The following GPHN variants were observed in gnomAD, a reference collection of about 807,000 sequenced individuals.
GPHN encodes gephyrin.
GPHN carries 17 observed loss-of-function variants against 95.5 expected under a neutral mutation model. The observed-to-expected ratio is 0.18, with a 90% CI of 0.12 to 0.27. The LOEUF (loss-of-function observed/expected upper bound fraction) is 0.27. Among genes scored for constraint, GPHN ranks in the 10% least tolerant of loss-of-function variants. The pLI is 1.00. For synonymous variants in GPHN, 320 were observed against 322.5 expected, an observed-to-expected ratio of 0.99 and a Z score of 0.08; for missense variants, 660 against 978.1, an observed-to-expected ratio of 0.67 and a Z score of 4.34.
chr14:66,609,275 A>C (rs1482204377), intron 1 of GPHN, among the ~76,000 whole-genome samples: 1 of 152,048 alleles, frequency 6.6e-6, no homozygotes, highest in African/African-American at 2.4e-5. Flanking sequence ...TTGGTTTCCG[A>C]TCTCTTCTGG....
chr14:67,661,300 G>GT, the GPHN span, among the ~76,000 whole-genome samples: 8,827 of 86,640 alleles, frequency 0.1, 486 homozygotes, highest in East Asian at 0.29. Context: ...AAAAAAAAAA[G>GT]TTTTTTTTTT....
At chr14:67,562,400 C>T in the GPHN span, 1 of 1,613,792 alleles carries the variant, frequency 6.2e-7, no homozygotes, top group Middle Eastern at 1.7e-4. Context: ...GCCCCTTCAA[C>T]CTCATCTGGG....
intron 3 of GPHN, among the ~76,000 whole-genome samples, chr14:66,783,880 G>A (rs1254910521): frequency 6.6e-6 from 1 of 152,146 alleles, no homozygotes; most frequent in East Asian, 1.9e-4. Context: ...ATGTCCATAA[G>A]GCCCTTGTGT....
chr14:67,201,191 G>A, the GPHN span, among the ~76,000 whole-genome samples: 3 of 152,176 alleles, frequency 2.0e-5, no homozygotes, highest in African/African-American at 7.2e-5. Flanking sequence ...CTACTCGGAA[G>A]GCTGAGGAGG....
intron 2 of GPHN, among the ~76,000 whole-genome samples, chr14:66,712,160 C>T (rs892378571): frequency 2.0e-5 from 3 of 152,150 alleles, no homozygotes; most frequent in Non-Finnish European, 4.4e-5. Context: ...CTTGAGGAAT[C>T]GCCACACTGT....
chr14:66,514,502 C>T (rs920047877), intron 1 of GPHN, among the ~76,000 whole-genome samples: 2 of 151,974 alleles, frequency 1.3e-5, no homozygotes, highest in Non-Finnish European at 2.9e-5. Flanking sequence ...TCAAGGCTCT[C>T]ATGGCAGTAT....
At chr14:67,367,835 C>CA in the GPHN span, among the ~76,000 whole-genome samples, 208 of 130,950 alleles carry the variant, frequency 1.6e-3, 2 homozygotes, top group Admixed American at 2.5e-3. Context: ...GACCTTGTCT[C>CA]AAAAAAAAAA....
chr14:66,672,749 G>A (rs1286900580), intron 1 of GPHN, among the ~76,000 whole-genome samples: 1 of 152,074 alleles, frequency 6.6e-6, no homozygotes, highest in Non-Finnish European at 1.5e-5. Context: ...ATCAGTGTTA[G>A]CATGGCATTT....
intron 18 of GPHN, among the ~76,000 whole-genome samples, chr14:67,152,198 A>G (rs1386672036): frequency 6.6e-6 from 1 of 152,242 alleles, no homozygotes; most frequent in Non-Finnish European, 1.5e-5. Flanking sequence ...CCTAGAAGTG[A>G]TATTACCACT....
intron 10 of GPHN, among the ~76,000 whole-genome samples, chr14:67,050,664 G>GA (rs566961483): frequency 4.6e-5 from 7 of 150,564 alleles, no homozygotes; most frequent in African/African-American, 1.2e-4. Flanking sequence ...CAAACAACAA[G>GA]AAAAAAAAAC....
At chr14:66,952,614 T>C (rs1485052658) in intron 8 of GPHN, among the ~76,000 whole-genome samples, 2 of 152,208 alleles carry the variant, frequency 1.3e-5, no homozygotes, top group African/African-American at 2.4e-5. Context: ...CTATTATCCA[T>C]AGAGCTGCAT....
At chr14:67,215,602 G>A in the GPHN span, among the ~76,000 whole-genome samples, 1 of 152,106 alleles carries the variant, frequency 6.6e-6, no homozygotes, top group Admixed American at 6.6e-5. Context: ...AGGGATACGG[G>A]AATATAAGAT....
the GPHN span, among the ~76,000 whole-genome samples, chr14:67,626,775 T>C: frequency 6.6e-6 from 1 of 152,254 alleles, no homozygotes; most frequent in Non-Finnish European, 1.5e-5. Flanking sequence ...CAAACTTATA[T>C]ACAAATATTC....
chr14:66,927,303 C>T (rs1025159431), intron 8 of GPHN, among the ~76,000 whole-genome samples: 4 of 149,298 alleles, frequency 2.7e-5, no homozygotes, highest in East Asian at 4.0e-4. Flanking sequence ...GAGCTAAGAT[C>T]GTGCCACTGC....
At chr14:66,563,274 A>G (rs893048321) in intron 1 of GPHN, among the ~76,000 whole-genome samples, 8 of 152,188 alleles carry the variant, frequency 5.3e-5, no homozygotes, top group African/African-American at 1.7e-4. Flanking sequence ...ACTTTTCACA[A>G]TGTATTAAGA....
At chr14:67,498,500 A>G in the GPHN span, among the ~76,000 whole-genome samples, 4 of 152,294 alleles carry the variant, frequency 2.6e-5, no homozygotes, top group South Asian at 6.2e-4. Flanking sequence ...GACTCTTAAA[A>G]ACTTATATTT....
chr14:67,077,664 C>T (rs2153661087), intron 11 of GPHN, among the ~76,000 whole-genome samples: 1 of 152,192 alleles, frequency 6.6e-6, no homozygotes, highest in South Asian at 2.1e-4. Context: ...CTAAAGATAC[C>T]TTAGGCCAGT....
the GPHN span, among the ~76,000 whole-genome samples, chr14:67,517,264 G>T: frequency 2.0e-5 from 3 of 152,166 alleles, no homozygotes; most frequent in African/African-American, 7.2e-5. Flanking sequence ...AGCTGTGGCC[G>T]GCGGCTGGCA....
At chr14:67,025,147 T>C (rs889720648) in intron 10 of GPHN, among the ~76,000 whole-genome samples, 1 of 152,162 alleles carries the variant, frequency 6.6e-6, no homozygotes, top group African/African-American at 2.4e-5. Context: ...TTTTGTGTCC[T>C]AGGAGTAAGG....
Sources: gnomAD v4.1 joint callset for allele counts (sites outside exome capture counted in the v4.1 genomes callset) on GRCh38, gnomAD v4.1.1 for gene constraint, MANE v1.5 for transcripts, NCBI Gene and HGNC (gene_info 2026-07-23, HGNC 2026-07-21) for gene names.